SVOPL: variants seen among roughly 807,000 people sequenced by gnomAD.
SVOPL encodes the protein putative transporter SVOPL.
A neutral mutation model predicts 61.0 loss-of-function variants in SVOPL; 60 were observed. The observed-to-expected ratio is 0.98, with a 90% confidence interval of 0.80 to 1.22. SVOPL has a LOEUF of 1.22. Among genes scored for constraint, SVOPL ranks in the 50% most tolerant of loss-of-function variants. The pLI is 0.00. For synonymous variants in SVOPL, 279 were observed against 250.0 expected (o/e 1.12, Z -1.09); for missense variants, 662 against 643.9 (o/e 1.03, Z -0.30).
At chr7:138,621,930 G>C (rs28593303) in intron 13 of SVOPL, among the ~76,000 whole-genome samples, 14 of 15,482 alleles carry the variant, frequency 9.0e-4, no homozygotes, top group East Asian at 3.6e-3. Flanking sequence ...ATCTATCTAT[G>C]TATCTATCTA....
Position 138,649,146 on chromosome 7 carries a change from A to G in SVOPL, c.535-9T>C. 6.2e-7 allele frequency: 1 copy of G among 1,604,048 alleles called. No individual in the cohort carries two copies. Among genetic ancestry groups the G allele is most frequent in the Non-Finnish European group, 8.5e-7 (1 of 1,175,978 alleles). ...CCCGCAAGCCAGAACACCTAGGAAG[A>G]GAGAAGTCCAGGATTAAAGTTCTTT... On this transcript the variant is annotated splice_polypyrimidine_tract_variant and intron_variant, in intron 7 of 15. Transcript: ENST00000674285.
intron 1 of SVOPL, among the ~76,000 whole-genome samples, chr7:138,698,591 C>A (rs1173255347): frequency 6.6e-6 from 1 of 152,048 alleles, no homozygotes; most frequent in Non-Finnish European, 1.5e-5. Context: ...CCAGACACCA[C>A]GTATGAAGGA....
intron 1 of SVOPL, among the ~76,000 whole-genome samples, chr7:138,698,953 C>T (rs551280571): frequency 5.9e-5 from 9 of 152,136 alleles, no homozygotes; most frequent in Non-Finnish European, 1.3e-4. Context: ...GAGTTTGGGA[C>T]CAGCCTGGGG....
At chr7:138,678,908 A>G in intron 2 of SVOPL, 56 bp downstream of exon 2, 2 of 1,512,774 alleles carry the variant, frequency 1.3e-6, no homozygotes, top group African/African-American at 1.4e-5. Context: ...TAACCTTAAA[A>G]AGGATTCTTA....
intron 12 of SVOPL, among the ~76,000 whole-genome samples, chr7:138,626,260 G>A (rs557526425): frequency 5.3e-5 from 8 of 152,176 alleles, no homozygotes; most frequent in African/African-American, 1.7e-4. Flanking sequence ...ATTCCCCAAC[G>A]CTGCCATTCA....
At position 138,641,838 on chromosome 7, in the gene SVOPL, T is replaced by TATATATATATATAAC. The variant is rs1563112260; in HGVS notation, c.789+2878_789+2879insGTTATATATATATAT. ...GTTATATATATATATATATATAACA[T>TATATATATATATAAC]ATATATATAACATATATATAGTCAA... is the stretch of plus-strand genomic sequence containing the variant. On this transcript the variant is annotated intron_variant, in intron 9 of 15. Coordinates refer to ENST00000674285, the MANE Select transcript of SVOPL (RefSeq NM_001139456.2). Among the ~76,000 whole-genome samples the TATATATATATATAAC allele has an allele frequency of 1.2e-4, 16 of 132,984 alleles. No individual in the cohort carries two copies. In the South Asian group the frequency reaches 1.5e-3, roughly 12 times the overall value. 87.2% of individuals were successfully genotyped at this position (132,984 alleles called of 152,430 possible). A position where few individuals can be genotyped will look rare whatever the true frequency, so the allele number is the denominator to read the frequency against.
At chr7:138,644,277 A>G (rs1473246740) in intron 9 of SVOPL, among the ~76,000 whole-genome samples, 10 of 151,614 alleles carry the variant, frequency 6.6e-5, no homozygotes, top group Admixed American at 2.6e-4. Context: ...CTCAAAATAG[A>G]TATCAGGTCA....
At chr7:138,596,685 C>G in intron 14 of SVOPL, 155 bp from the exon 15 acceptor site, 1 of 1,374,818 alleles carries the variant, frequency 7.3e-7, no homozygotes, top group Non-Finnish European at 9.4e-7. Flanking sequence ...TTTATCTGAG[C>G]CAATCTGGTG....
chr7:138,647,573 G>A (rs747077026), intron 8 of SVOPL, among the ~76,000 whole-genome samples: 27 of 151,942 alleles, frequency 1.8e-4, no homozygotes, highest in Non-Finnish European at 2.2e-4. Flanking sequence ...ATGTCTGGCC[G>A]GGTGTGGTGG....
rs33996391 is a variant in SVOPL, at chr7:138,647,847, CAAAAAAAAAA to C, written c.660+1155_660+1164del. Among the ~76,000 whole-genome samples the C allele has an allele frequency of 5.8e-5, 6 of 102,724 alleles. No individual in the cohort carries two copies. The Admixed American group carries it at 6.0e-4, about 10-fold the overall frequency. 67.4% of individuals were successfully genotyped at this position (102,724 alleles called of 152,430 possible). A position where few individuals can be genotyped will look rare whatever the true frequency, so the allele number is the denominator to read the frequency against. ...TGGGCAATAGAGTAAGACTCCGTTT[CAAAAAAAAAA>C]AAAAAAAAAATAGTCACATGCCTGA... On this transcript the variant is annotated intron_variant, in intron 8 of 15. Coordinates refer to ENST00000674285, the MANE Select transcript of SVOPL (RefSeq NM_001139456.2).
intron 9 of SVOPL, among the ~76,000 whole-genome samples, chr7:138,643,692 G>C (rs1023025534): frequency 6.6e-6 from 1 of 151,006 alleles, no homozygotes; most frequent in Non-Finnish European, 1.5e-5. Flanking sequence ...TACGTGTGAG[G>C]GATCTAGAAT....
intron 7 of SVOPL, among the ~76,000 whole-genome samples, chr7:138,655,357 T>C (rs974961746): frequency 6.6e-6 from 1 of 151,894 alleles, no homozygotes; most frequent in Non-Finnish European, 1.5e-5. Flanking sequence ...TATAAAAAAT[T>C]AGCTGGGCAT....
At chr7:138,635,355 C>G (rs1166632503) in intron 9 of SVOPL, among the ~76,000 whole-genome samples, 1 of 149,196 alleles carries the variant, frequency 6.7e-6, no homozygotes, top group Non-Finnish European at 1.5e-5. Flanking sequence ...GGAAACAAAG[C>G]TGGTTGGAGG....
intron 1 of SVOPL, among the ~76,000 whole-genome samples, chr7:138,698,604 G>T (rs1437482039): frequency 6.6e-6 from 1 of 152,176 alleles, no homozygotes; most frequent in Non-Finnish European, 1.5e-5. Context: ...ATGAAGGAAA[G>T]AAATACACCT....
intron 3 of SVOPL, 44 bp from the exon 4 acceptor site, chr7:138,672,161 T>C (rs762879842): frequency 1.2e-5 from 19 of 1,521,460 alleles, no homozygotes; most frequent in Admixed American, 2.0e-5. Context: ...TGCCAGCTTG[T>C]CATCACTTCT....
intron 14 of SVOPL, among the ~76,000 whole-genome samples, chr7:138,611,851 C>T (rs1452386765): frequency 0.015 from 825 of 53,478 alleles, no homozygotes; most frequent in East Asian, 0.036. Flanking sequence ...CCCAAAGTGC[C>T]GAGATTGCAG....
chr7:138,618,527 G>C (rs1191720988), intron 14 of SVOPL, among the ~76,000 whole-genome samples: 1 of 152,138 alleles, frequency 6.6e-6, no homozygotes, highest in African/African-American at 2.4e-5. Context: ...CAAGAGCGGT[G>C]GTGGGTGCCT....
intron 1 of SVOPL, among the ~76,000 whole-genome samples, chr7:138,684,571 C>T (rs1802764537): frequency 6.6e-6 from 1 of 152,140 alleles, no homozygotes; most frequent in Non-Finnish European, 1.5e-5. Context: ...GAGACATTAC[C>T]TCATACTTGT....
chr7:138,645,433 G>A (rs1014978482), intron 8 of SVOPL, among the ~76,000 whole-genome samples: 1 of 152,138 alleles, frequency 6.6e-6, no homozygotes, highest in Non-Finnish European at 1.5e-5. Flanking sequence ...CCTCAGAAAA[G>A]CACCTCCACA....
Sources: gnomAD v4.1 joint callset for allele counts (sites outside exome capture counted in the v4.1 genomes callset) on GRCh38, gnomAD v4.1.1 for gene constraint, MANE v1.5 for transcripts, NCBI Gene and HGNC (gene_info 2026-07-23, HGNC 2026-07-21) for gene names.